CR1: variants seen among roughly 807,000 people sequenced by gnomAD.
CR1 encodes the protein complement C3b/C4b receptor 1 (Knops blood group), also known as complement receptor type 1.
Under a neutral mutation model 187.3 loss-of-function variants are expected in CR1, and 116 were observed. The observed-to-expected ratio is 0.62, with a 90% CI of 0.53 to 0.72. The LOEUF is 0.72. Among genes scored for constraint, CR1 ranks in the 30% least tolerant of loss-of-function variants. The probability of loss-of-function intolerance (pLI) is 0.00; values close to 1 mark genes in which losing one functional copy is unlikely to be tolerated. For missense variants in CR1, 1,731 were observed against 2,110.7 expected (o/e 0.82, Z 3.52); for synonymous variants, 576 against 747.1 (o/e 0.77, Z 3.73).
rs765502511 is a variant in CR1, at chr1:207,587,369, G to C, written c.5531-17G>C. The C allele has an allele frequency of 1.4e-5, 22 of 1,598,102 alleles. No individual in the cohort carries two copies. The highest frequency in any genetic ancestry group is 1.8e-5 in the Non-Finnish European group (21 of 1,171,516). On this transcript the variant is annotated splice_polypyrimidine_tract_variant and intron_variant, in intron 33 of 46. Coordinates refer to ENST00000367049, the MANE Select transcript of CR1 (RefSeq NM_000651.6). ...TCTCTCTGCTAACTTTGATATTCCT[G>C]TGGTTTTTCTCTCCAGGTCACTGTA...
intron 43 of CR1, among the ~76,000 whole-genome samples, chr1:207,620,392 A>G (rs1447660272): frequency 1.3e-5 from 2 of 152,244 alleles, no homozygotes; most frequent in East Asian, 3.8e-4. Flanking sequence ...CAAGCTGCAG[A>G]GAGCAGCCGG....
chr1:207,613,219 G>A (rs575084559), intron 39 of CR1, among the ~76,000 whole-genome samples: 120 of 152,302 alleles, frequency 7.9e-4, no homozygotes, highest in African/African-American at 2.6e-3. Flanking sequence ...CAGCGGAGAC[G>A]AGACACGAGG....
Position 207,639,529 on chromosome 1 carries a change from C to G in CR1, c.*120C>G. The G allele has an allele frequency of 4.3e-6, 4 of 930,228 alleles. No individual in the cohort carries two copies. The highest frequency in any genetic ancestry group is 6.6e-6 in the Non-Finnish European group (4 of 602,272). The allele number at this position is 930,228 out of a possible 1,614,324, so 57.6% of individuals were successfully genotyped here. On this transcript the variant is annotated 3_prime_UTR_variant, in exon 47 of 47. Coordinates refer to ENST00000367049, the MANE Select transcript of CR1 (RefSeq NM_000651.6). The stretch of plus-strand genomic sequence containing the variant: ...TCTTTGAAGTGACTTCACAGAGACG[C>G]AGACATGTGCACTTGAAGATGCTGC...
intron 24 of CR1, 121 bp downstream of exon 24, chr1:207,566,044 G>C: frequency 7.5e-7 from 1 of 1,334,170 alleles, no homozygotes; most frequent in East Asian, 2.5e-5. Flanking sequence ...TTTAAAAATA[G>C]TTTATTTTAA....
intron 35 of CR1, among the ~76,000 whole-genome samples, chr1:207,594,604 T>TA (rs1240052092): frequency 6.6e-6 from 1 of 151,756 alleles, no homozygotes; most frequent in African/African-American, 2.4e-5. Context: ...AGTATGATAA[T>TA]AAAAAAAAGA....
intron 39 of CR1, among the ~76,000 whole-genome samples, chr1:207,612,838 C>T (rs558926252): frequency 6.6e-5 from 10 of 152,204 alleles, no homozygotes; most frequent in Admixed American, 1.3e-4. Flanking sequence ...CTGAAGGGAA[C>T]GTGGTGGTGC....
chr1:207,505,917 C>T lies in CR1; in HGVS notation c.135C>T (p.Ala45=). 1 of 1,613,708 alleles carries T rather than the reference C, an allele frequency of 6.2e-7. No homozygotes were observed. The highest frequency in any genetic ancestry group is 8.5e-7 in the Non-Finnish European group (1 of 1,179,704). ...CTTGATCTCCAGGTCAATGCAATGC[C>T]CCAGAATGGCTTCCATTTGCCAGGC... ...ALPVAWGQCN[A]PEWLPFARPT... Residue 45 remains alanine, a synonymous_variant, in exon 2 of 47, where the codon GCC becomes GCT. Transcript: ENST00000367049.
At chr1:207,623,556 G>A (rs1408837910) in intron 45 of CR1, among the ~76,000 whole-genome samples, 4 of 151,190 alleles carry the variant, frequency 2.6e-5, no homozygotes, top group Non-Finnish European at 5.9e-5. Flanking sequence ...TTGCACACCA[G>A]CCTGGGTGAC....
intron 37 of CR1, among the ~76,000 whole-genome samples, chr1:207,610,880 T>C (rs527480669): frequency 6.6e-6 from 1 of 152,278 alleles, no homozygotes; most frequent in South Asian, 2.1e-4. Context: ...CAATGTAAAA[T>C]AATCATGGAG....
chr1:207,596,980 A>G (rs1021303881), intron 35 of CR1, among the ~76,000 whole-genome samples: 7 of 149,116 alleles, frequency 4.7e-5, no homozygotes, highest in Non-Finnish European at 8.9e-5. Context: ...TAAGTTTATC[A>G]TAGTTTTTCT....
chr1:207,610,309 C>A (rs527407941), intron 37 of CR1, among the ~76,000 whole-genome samples: 1 of 152,084 alleles, frequency 6.6e-6, no homozygotes, highest in Admixed American at 6.6e-5. Flanking sequence ...CAAATTCATT[C>A]TTTGAGGTTT....
intron 39 of CR1, among the ~76,000 whole-genome samples, chr1:207,612,590 C>A (rs566029908): frequency 6.6e-6 from 1 of 152,358 alleles, no homozygotes; most frequent in Non-Finnish European, 1.5e-5. Flanking sequence ...CAGCAATGCC[C>A]CTGCCCAGGC....
At chr1:207,501,316 A>G (rs1659260457) in intron 1 of CR1, among the ~76,000 whole-genome samples, 1 of 152,230 alleles carries the variant, frequency 6.6e-6, no homozygotes, top group Non-Finnish European at 1.5e-5. Context: ...TATTGTCTTC[A>G]TTTTGGTGAT....
At chr1:207,588,014 A>T (rs944804389) in intron 34 of CR1, among the ~76,000 whole-genome samples, 12 of 152,376 alleles carry the variant, frequency 7.9e-5, no homozygotes, top group African/African-American at 2.2e-4. Context: ...AAAGAAATTT[A>T]TGTGAGTTGC....
chr1:207,496,559 C>T (rs1472980228), intron 1 of CR1, among the ~76,000 whole-genome samples, 171 bp downstream of exon 1: 2 of 152,238 alleles, frequency 1.3e-5, no homozygotes, highest in Admixed American at 6.5e-5. Context: ...TAGGATCCTT[C>T]TGCGCACTGG....
intron 2 of CR1, among the ~76,000 whole-genome samples, chr1:207,506,432 T>C (rs1273572949): frequency 6.6e-6 from 1 of 152,238 alleles, no homozygotes; most frequent in African/African-American, 2.4e-5. Context: ...GGCTTTGAGA[T>C]CTTTGGATTA....
intron 35 of CR1, among the ~76,000 whole-genome samples, chr1:207,593,088 A>AAAAAAAAC (rs1661323836): frequency 6.6e-6 from 1 of 151,202 alleles, no homozygotes; most frequent in African/African-American, 2.4e-5. Context: ...GAATTACAAA[A>AAAAAAAAC]AAAAAAAAAA....
chr1:207,523,518 A>G, intron 4 of CR1, 93 bp from the exon 5 acceptor site: 1 of 1,559,388 alleles, frequency 6.4e-7, no homozygotes, highest in Non-Finnish European at 8.7e-7. Context: ...GCAAATAATG[A>G]ATGTAAAAAT....
chr1:207,588,699 A>T lies in CR1; in HGVS notation c.5735A>T (p.Glu1912Val). The change falls in exon 35 of 47, where the codon GAA becomes GTA. Residue 1912 changes from glutamate to valine, a missense_variant. Around this residue, in one of 5 missense-constraint regions of CR1, gnomAD observed 1,312 missense variants for 1,379.6 expected, o/e 0.95. Coordinates refer to ENST00000367049, the MANE Select transcript of CR1 (RefSeq NM_000651.6). ...CRRKSCGPPP[E>V]PFNGMVHINT... ...GGAAAATCATGTGGACCTCCACCAGAACCCTTCAATGGAATGGTGCATATA... is the reference window on the plus strand; with the variant it reads ...GGAAAATCATGTGGACCTCCACCAGTACCCTTCAATGGAATGGTGCATATA... 1.2e-6 allele frequency: 2 copies of T among 1,613,014 alleles called. No individual in the cohort carries two copies. Among genetic ancestry groups the T allele is most frequent in the Non-Finnish European group, 8.5e-7 (1 of 1,179,398 alleles).
Sources: gnomAD v4.1 joint callset for allele counts (sites outside exome capture counted in the v4.1 genomes callset) on GRCh38, gnomAD v4.1.1 for gene constraint, gnomAD v4.1.1 regional missense constraint, MANE v1.5 for transcripts, NCBI Gene and HGNC (gene_info 2026-07-23, HGNC 2026-07-21) for gene names.